The following GABRA2 variants were observed in gnomAD, a reference collection of about 807,000 sequenced individuals.
The protein encoded by GABRA2 is gamma-aminobutyric acid type A receptor subunit alpha2, also known as gamma-aminobutyric acid receptor subunit alpha-2.
A neutral mutation model predicts 48.7 loss-of-function variants in GABRA2; 16 were observed. That is an observed-to-expected ratio of 0.33 (90% confidence interval 0.22 to 0.50). GABRA2 has a LOEUF of 0.50. Among genes scored for constraint, GABRA2 ranks in the 20% least tolerant of loss-of-function variants. The pLI is 0.98. For missense variants in GABRA2, 275 were observed against 535.6 expected, an observed-to-expected ratio of 0.51 and a Z score of 4.80; for synonymous variants, 185 against 184.5, an observed-to-expected ratio of 1.00 and a Z score of -0.02.
At chr4:46,250,745 A>G (rs1482573673) in intron 9 of GABRA2, 141 bp from the exon 10 acceptor site, 1 of 626,282 alleles carries the variant, frequency 1.6e-6, no homozygotes, top group Non-Finnish European at 2.7e-6. Context: ...AGGAAAATAA[A>G]TAAAGGTGTT....
At chr4:46,388,549 C>T (rs1421259529) in intron 2 of GABRA2, 87 bp downstream of exon 2, 4 of 1,484,202 alleles carry the variant, frequency 2.7e-6, no homozygotes, top group Non-Finnish European at 3.7e-6. Context: ...TTCTTTAAAA[C>T]ACCCTTGATT....
chr4:46,353,208 T>A (rs182841367), intron 3 of GABRA2, among the ~76,000 whole-genome samples: 46 of 152,198 alleles, frequency 3.0e-4, no homozygotes, highest in Admixed American at 5.9e-4. Context: ...CACACCCATA[T>A]CCAATCCATC....
intron 4 of GABRA2, among the ~76,000 whole-genome samples, chr4:46,319,046 CTACTAAAAATCTCCATT>C (rs951915131): frequency 2.0e-5 from 3 of 151,854 alleles, no homozygotes; most frequent in African/African-American, 7.2e-5. Flanking sequence ...GTTTTTGCCA[CTACTAAAAATCTCCATT>C]TACAGTAAAC....
chr4:46,336,749 T>C (rs531441104), intron 3 of GABRA2, among the ~76,000 whole-genome samples: 19 of 152,232 alleles, frequency 1.2e-4, no homozygotes, highest in Admixed American at 1.2e-3. Flanking sequence ...GAACACATAA[T>C]GTATTCCTAA....
intron 3 of GABRA2, among the ~76,000 whole-genome samples, chr4:46,383,300 T>G (rs2109363369): frequency 6.6e-6 from 1 of 152,300 alleles, no homozygotes; most frequent in South Asian, 2.1e-4. Context: ...CACACACTGC[T>G]TAGCCCCAGA....
chr4:46,364,161 G>A, intron 3 of GABRA2: 1 of 152,082 alleles, frequency 6.6e-6, no homozygotes, highest in East Asian at 1.9e-4. Context: ...TCAATTCAGA[G>A]TTATACACTA....
chr4:46,260,269 G>A (rs1034150420), intron 9 of GABRA2, among the ~76,000 whole-genome samples: 8 of 151,774 alleles, frequency 5.3e-5, no homozygotes, highest in Admixed American at 2.6e-4. Flanking sequence ...CATAAACAAC[G>A]TTAATTCTTT....
intron 2 of GABRA2, among the ~76,000 whole-genome samples, chr4:46,387,174 A>G (rs1169760467): frequency 1.3e-5 from 2 of 152,190 alleles, no homozygotes; most frequent in Non-Finnish European, 2.9e-5. Flanking sequence ...AATAGAATAC[A>G]ATACTGGCAT....
At chr4:46,378,014 G>A (rs1289921015) in intron 3 of GABRA2, among the ~76,000 whole-genome samples, 116 of 146,632 alleles carry the variant, frequency 7.9e-4, no homozygotes, top group Non-Finnish European at 9.1e-4. Flanking sequence ...CCGGCCAGCC[G>A]CCCCGTCCGG....
intron 8 of GABRA2, among the ~76,000 whole-genome samples, chr4:46,296,614 C>A (rs1381459850): frequency 6.7e-6 from 1 of 148,574 alleles, no homozygotes; most frequent in Non-Finnish European, 1.5e-5. Context: ...ACAAATGGCC[C>A]AGCCACTTCA....
chr4:46,320,747 C>G (rs928670040), intron 4 of GABRA2, among the ~76,000 whole-genome samples: 1 of 151,778 alleles, frequency 6.6e-6, no homozygotes, highest in Non-Finnish European at 1.5e-5. Flanking sequence ...CAAGAGATAA[C>G]GAGTGTTGGC....
chr4:46,358,547 A>G (rs557910160), intron 3 of GABRA2, among the ~76,000 whole-genome samples: 1 of 152,326 alleles, frequency 6.6e-6, no homozygotes, highest in South Asian at 2.1e-4. Flanking sequence ...GTTAACAAGG[A>G]TGTTGCCACA....
intron 3 of GABRA2, among the ~76,000 whole-genome samples, chr4:46,343,876 A>C (rs1407446801): frequency 6.6e-6 from 1 of 151,960 alleles, no homozygotes; most frequent in Admixed American, 6.6e-5. Context: ...AGAGTCCATG[A>C]TTCCACTGAA....
chr4:46,273,465 T>TTGCATATATATATATA (rs199635178), intron 8 of GABRA2, among the ~76,000 whole-genome samples: 1 of 55,480 alleles, frequency 1.8e-5, no homozygotes, highest in Non-Finnish European at 4.7e-5. Context: ...AGACCATTCA[T>TTGCATATATATATATA]TGCATATATA....
At chr4:46,323,569 C>A (rs1229043085) in intron 4 of GABRA2, among the ~76,000 whole-genome samples, 2 of 151,898 alleles carry the variant, frequency 1.3e-5, no homozygotes, top group Non-Finnish European at 2.9e-5. Context: ...TTGAGGGCTA[C>A]ACTTACTTAT....
intron 4 of GABRA2, among the ~76,000 whole-genome samples, chr4:46,317,838 T>C (rs907784796): frequency 1.3e-5 from 2 of 151,796 alleles, no homozygotes; most frequent in African/African-American, 2.4e-5. Flanking sequence ...TATGGGTTTA[T>C]GCCCACTGTT....
At chr4:46,351,297 C>T (rs1209761798) in intron 3 of GABRA2, among the ~76,000 whole-genome samples, 1 of 151,848 alleles carries the variant, frequency 6.6e-6, no homozygotes, top group Admixed American at 6.6e-5. Context: ...AAGAAATTCA[C>T]TAGACGGGAG....
At chr4:46,328,437 G>A (rs1466772176) in intron 4 of GABRA2, among the ~76,000 whole-genome samples, 1 of 150,830 alleles carries the variant, frequency 6.6e-6, no homozygotes, top group African/African-American at 2.5e-5. Context: ...TTTAGCTTTT[G>A]CTACTGACCG....
intron 3 of GABRA2, among the ~76,000 whole-genome samples, chr4:46,370,698 T>G (rs1274082454): frequency 6.6e-6 from 1 of 152,126 alleles, no homozygotes; most frequent in Non-Finnish European, 1.5e-5. Flanking sequence ...TTGTACAAAC[T>G]TCTAGTTGCT....
Sources: gnomAD v4.1 joint callset for allele counts (sites outside exome capture counted in the v4.1 genomes callset) on GRCh38, gnomAD v4.1.1 for gene constraint, MANE v1.5 for transcripts, NCBI Gene and HGNC (gene_info 2026-07-23, HGNC 2026-07-21) for gene names.